Variants in TENT2 observed in about 807,000 individuals in gnomAD.
The protein encoded by TENT2 is poly(A) RNA polymerase GLD2.
In TENT2, 44 loss-of-function variants were observed where a neutral mutation model predicts 72.2. The ratio of observed to expected loss-of-function variants is 0.61; its 90% CI spans 0.48 to 0.78. The LOEUF (loss-of-function observed/expected upper bound fraction) is 0.78, where lower values mean the gene tolerates loss of function less well. Among genes scored for constraint, TENT2 ranks in the 30% least tolerant of loss-of-function variants. TENT2 has a pLI of 0.00. For missense variants in TENT2, 541 were observed against 569.6 expected (o/e 0.95, Z 0.51); for synonymous variants, 212 against 192.5 (o/e 1.10, Z -0.84).
intron 4 of TENT2, among the ~76,000 whole-genome samples, chr5:79,632,373 G>A (rs910687289): frequency 4.6e-5 from 7 of 151,966 alleles, no homozygotes; most frequent in Non-Finnish European, 7.4e-5. Flanking sequence ...ACTCTTTAAA[G>A]TAGAAATCTG....
Position 79,688,117 on chromosome 5 carries a change from A to T in TENT2, c.*2844A>T, listed in dbSNP as rs957670509. On this transcript the variant is annotated 3_prime_UTR_variant, in exon 15 of 15. Transcript: ENST00000453514. ...ACTGTAATTCAATGATTTACAGTTC[A>T]TTACCTCCAGACATAATGCATGCAT... Among the ~76,000 whole-genome samples, 1 of 152,208 alleles carries T rather than the reference A, an allele frequency of 6.6e-6. No individual in the cohort carries two copies. The highest frequency in any genetic ancestry group is 1.5e-5 in the Non-Finnish European group (1 of 68,036).
At chr5:79,614,329 C>T (rs979854670) in intron 1 of TENT2, among the ~76,000 whole-genome samples, 10 of 152,062 alleles carry the variant, frequency 6.6e-5, no homozygotes, top group African/African-American at 2.4e-4. Flanking sequence ...TCTCCAACTC[C>T]TGACCTCAGG....
At chr5:79,646,578 T>C (rs551920372) in intron 8 of TENT2, among the ~76,000 whole-genome samples, 1 of 152,322 alleles carries the variant, frequency 6.6e-6, no homozygotes, top group Admixed American at 6.5e-5. Context: ...AAATACTTAT[T>C]AAATTTCTGC....
At chr5:79,667,479 T>C (rs1430291823) in intron 11 of TENT2, among the ~76,000 whole-genome samples, 1 of 152,210 alleles carries the variant, frequency 6.6e-6, no homozygotes, top group Non-Finnish European at 1.5e-5. Context: ...TAGTCTTTAC[T>C]AATTGAGGTT....
rs150126386 is a variant in TENT2 at position 79,656,999 on chromosome 5, C to A, written c.1069C>A (p.Pro357Thr). 7.1e-5 allele frequency: 113 copies of A among 1,586,522 alleles called. No homozygotes were observed. Among genetic ancestry groups the A allele is most frequent in the Non-Finnish European group, 8.6e-6 (10 of 1,157,026 alleles). Residue 357 changes from proline to threonine, a missense_variant and splice_region_variant, in exon 11 of 15, where the codon CCA becomes ACA. Physicochemically the swap from Pro to Thr is conservative, Grantham distance 38. Transcript: ENST00000453514. ...PILPSLQKIY[P>T]ESFSPAIQLH... ...CCTTCCATCCCTCCAAAAAATTTAC[C>A]CAGTAAGTGTTTCTTATAAATTATT... is the stretch of plus-strand genomic sequence containing the variant.
chr5:79,637,408 C>G (rs1049131782), intron 4 of TENT2, among the ~76,000 whole-genome samples: 3 of 151,838 alleles, frequency 2.0e-5, no homozygotes, highest in African/African-American at 7.3e-5. Context: ...ATGGCTTTTT[C>G]TGTACTACTT....
intron 10 of TENT2, among the ~76,000 whole-genome samples, chr5:79,650,508 A>T (rs1256690732): frequency 1.3e-5 from 2 of 151,882 alleles, no homozygotes; most frequent in Admixed American, 1.3e-4. Context: ...TGTAGTCATT[A>T]AAAAAAAGTA....
chr5:79,634,178 C>T (rs910509454), intron 4 of TENT2, among the ~76,000 whole-genome samples: 2 of 147,998 alleles, frequency 1.4e-5, no homozygotes, highest in African/African-American at 2.5e-5. Context: ...AAAAAACTTT[C>T]TGAATCCCAG....
chr5:79,678,792 A>C (rs1819362573), intron 12 of TENT2, among the ~76,000 whole-genome samples: 1 of 152,266 alleles, frequency 6.6e-6, no homozygotes, highest in African/African-American at 2.4e-5. Context: ...TTAATAACAC[A>C]AGAAGATAAC....
At chr5:79,680,488 G>A (rs541411517) in intron 13 of TENT2, among the ~76,000 whole-genome samples, 7 of 152,240 alleles carry the variant, frequency 4.6e-5, no homozygotes, top group Admixed American at 2.0e-4. Context: ...AGAACCCCAC[G>A]ATACTGTGAT....
chr5:79,620,314 G>C (rs1240236911), intron 3 of TENT2, among the ~76,000 whole-genome samples: 1 of 152,094 alleles, frequency 6.6e-6, no homozygotes, highest in Admixed American at 6.6e-5. Flanking sequence ...CCCTACATCA[G>C]ATCTCCCCTT....
intron 12 of TENT2, among the ~76,000 whole-genome samples, chr5:79,672,779 A>G (rs1487789812): frequency 6.6e-6 from 1 of 152,162 alleles, no homozygotes. Context: ...GAGAGTGCAG[A>G]TATGTCTTCA....
intron 4 of TENT2, among the ~76,000 whole-genome samples, chr5:79,631,035 C>G (rs1448450132): frequency 1.3e-5 from 2 of 152,092 alleles, no homozygotes; most frequent in African/African-American, 4.8e-5. Context: ...GAATCCATAA[C>G]ATTTGATGAT....
At chr5:79,613,189 CTG>C (rs3841334) in intron 1 of TENT2, 114 bp downstream of exon 1, 2 of 152,310 alleles carry the variant, frequency 1.3e-5, no homozygotes, top group East Asian at 1.9e-4. Flanking sequence ...CAGGTTAAGA[CTG>C]TTGTGTGCGT....
chr5:79,681,150 A>ATTT lies in TENT2; in HGVS notation c.1301-806_1301-804dup, dbSNP rs1158559796. Among the ~76,000 whole-genome samples the ATTT allele has an allele frequency of 1.7e-3, 76 of 44,742 alleles. 12 individuals are homozygous for ATTT. Among genetic ancestry groups the ATTT allele is most frequent in the African/African-American group, 3.5e-3 (40 of 11,460 alleles). The allele number at this position is 44,742 out of a possible 152,430, so 29.4% of individuals were successfully genotyped here. A position where few individuals can be genotyped will look rare whatever the true frequency, so the allele number is the denominator to read the frequency against. ...AGTTACTTCTTTTTTCTTTTCTTTG[A>ATTT]TTTTTTTTTTTTTTTTTTTTTTTTT... On this transcript the variant is annotated intron_variant, in intron 13 of 14. Transcript: ENST00000453514.
intron 3 of TENT2, among the ~76,000 whole-genome samples, chr5:79,620,798 T>C (rs1764162628): frequency 6.6e-6 from 1 of 152,228 alleles, no homozygotes; most frequent in African/African-American, 2.4e-5. Context: ...TAGCATTTTC[T>C]TTCTAGTAAA....
At chr5:79,684,222 C>G (rs1007938385) in intron 14 of TENT2, among the ~76,000 whole-genome samples, 1 of 152,116 alleles carries the variant, frequency 6.6e-6, no homozygotes, top group African/African-American at 2.4e-5. Flanking sequence ...TTCAAATCAC[C>G]ATTTGAATTT....
intron 1 of TENT2, chr5:79,614,966 T>C (rs985456192): frequency 3.3e-5 from 5 of 152,226 alleles, no homozygotes; most frequent in Admixed American, 1.3e-4. Context: ...ATAGAACGAA[T>C]GCGTCGGAAT....
intron 10 of TENT2, among the ~76,000 whole-genome samples, chr5:79,656,467 T>G (rs4703780): frequency 6.6e-6 from 1 of 151,932 alleles, no homozygotes; most frequent in African/African-American, 2.4e-5. Flanking sequence ...TCAGTTTTCC[T>G]GAACGATTTC....
Sources: gnomAD v4.1 joint callset for allele counts (sites outside exome capture counted in the v4.1 genomes callset) on GRCh38, gnomAD v4.1.1 for gene constraint, MANE v1.5 for transcripts, NCBI Gene and HGNC (gene_info 2026-07-23, HGNC 2026-07-21) for gene names.